CD200R1L: variants seen among roughly 807,000 people sequenced by gnomAD.
CD200R1L encodes cell surface glycoprotein CD200 receptor 2.
Under a neutral mutation model 24.8 loss-of-function variants are expected in CD200R1L, and 14 were observed. The ratio of observed to expected loss-of-function variants is 0.56; its 90% confidence interval spans 0.37 to 0.88. CD200R1L has a LOEUF of 0.88. CD200R1L is among the 40% of genes least tolerant of loss of function. The pLI is 0.00. For synonymous variants in CD200R1L, 111 were observed against 109.2 expected (o/e 1.02, Z -0.11); for missense variants, 299 against 297.8 (o/e 1.00, Z -0.03).
At chr3:112,842,473 C>G (rs1939105374) in intron 2 of CD200R1L, among the ~76,000 whole-genome samples, 1 of 152,002 alleles carries the variant, frequency 6.6e-6, no homozygotes. Flanking sequence ...TGTGTTTGAA[C>G]AATATGAAAT....
chr3:112,842,758 C>A (rs867766409), intron 2 of CD200R1L, among the ~76,000 whole-genome samples: 18 of 152,138 alleles, frequency 1.2e-4, no homozygotes, highest in Non-Finnish European at 2.1e-4. Context: ...GCGGGAGATG[C>A]GCCTGGTCTT....
chr3:112,828,213 C>G (rs1677825846), intron 4 of CD200R1L, among the ~76,000 whole-genome samples: 1 of 152,114 alleles, frequency 6.6e-6, no homozygotes, highest in Admixed American at 6.5e-5. Context: ...TTTCAGACAA[C>G]CATAAATGTG....
chr3:112,845,894 G>T lies in CD200R1L; in HGVS notation c.-302C>A. 1.7e-6 allele frequency: 1 copy of T among 589,930 alleles called. No individual in the cohort carries two copies. 36.5% of individuals were successfully genotyped at this position (589,930 alleles called of 1,614,324 possible). ...ATCTTGCTTATCTTTAATTTTTGCT[G>T]TCATTCTATATGTTTTTGACTGATT... On this transcript the variant is annotated 5_prime_UTR_variant, in exon 2 of 8. Transcript: ENST00000488794.
At chr3:112,844,469 G>A (rs1393946874) in intron 2 of CD200R1L, among the ~76,000 whole-genome samples, 1 of 152,002 alleles carries the variant, frequency 6.6e-6, no homozygotes, top group Non-Finnish European at 1.5e-5. Context: ...ATAAAATTAA[G>A]GAAGAAATCA....
intron 3 of CD200R1L, among the ~76,000 whole-genome samples, chr3:112,832,325 G>T (rs771987424): frequency 6.6e-6 from 1 of 152,176 alleles, no homozygotes; most frequent in African/African-American, 2.4e-5. Context: ...GACCTTCAAA[G>T]TCCACAGACT....
intron 2 of CD200R1L, among the ~76,000 whole-genome samples, chr3:112,841,891 G>A (rs1939091064): frequency 6.6e-6 from 1 of 152,244 alleles, no homozygotes; most frequent in Non-Finnish European, 1.5e-5. Flanking sequence ...TGTGGCCTAA[G>A]TTCAAGCCAG....
chr3:112,830,880 GAA>G (rs75974602), intron 3 of CD200R1L, among the ~76,000 whole-genome samples: 28 of 145,206 alleles, frequency 1.9e-4, no homozygotes, highest in African/African-American at 5.2e-4. Flanking sequence ...GGTTAAAAAG[GAA>G]AAAAAAAAAA....
At position 112,827,702 on chromosome 3, in the gene CD200R1L, G is replaced by C. The variant is rs1252856717; in HGVS notation, c.50-18C>G. 1 of 1,596,036 alleles carries C rather than the reference G, an allele frequency of 6.3e-7. No homozygotes were observed. Among genetic ancestry groups the C allele is most frequent in the Non-Finnish European group, 8.5e-7 (1 of 1,171,484 alleles). ...AATGTTACCTGGACACACACACAAA[G>C]GATAATGATATAGAAAACCTTGATA... On this transcript the variant is annotated intron_variant, in intron 4 of 7. Coordinates refer to ENST00000488794, the MANE Select transcript of CD200R1L (RefSeq NM_001199215.3).
chr3:112,829,807 A>G (rs554334886), intron 3 of CD200R1L, among the ~76,000 whole-genome samples: 13 of 152,280 alleles, frequency 8.5e-5, no homozygotes, highest in Admixed American at 2.6e-4. Context: ...TTTTTAACCT[A>G]GCTCCTCTAA....
chr3:112,815,785 C>T lies in CD200R1L; in HGVS notation c.*178G>A, dbSNP rs1217378446. 3.4e-6 allele frequency: 2 copies of T among 584,046 alleles called. No individual in the cohort carries two copies. Among genetic ancestry groups the T allele is most frequent in the South Asian group, 2.4e-5 (1 of 42,388 alleles). 36.2% of individuals were successfully genotyped at this position (584,046 alleles called of 1,614,324 possible). ...AGGTGGTTGAGGGTTTATAGGGAAA[C>T]TTCATGGTCATCAAGCCCAGGATCC... is the stretch of plus-strand genomic sequence containing the variant. On this transcript the variant is annotated 3_prime_UTR_variant, in exon 8 of 8. Coordinates refer to ENST00000488794, the MANE Select transcript of CD200R1L (RefSeq NM_001199215.3).
At chr3:112,824,474 C>T (rs752937447) in intron 6 of CD200R1L, among the ~76,000 whole-genome samples, 3 of 151,944 alleles carry the variant, frequency 2.0e-5, no homozygotes, top group Non-Finnish European at 2.9e-5. Context: ...ACTATAGACT[C>T]GAGAGTCAAA....
chr3:112,823,471 C>A (rs111893854), intron 6 of CD200R1L, among the ~76,000 whole-genome samples: 5 of 152,268 alleles, frequency 3.3e-5, no homozygotes, highest in South Asian at 2.1e-4. Context: ...GTGCTAACTC[C>A]AGGTAGTTAG....
Position 112,816,120 on chromosome 3 carries a change from A to G in CD200R1L, c.741-145T>C, listed in dbSNP as rs377666182. 2.3e-3 allele frequency: 1,465 copies of G among 624,572 alleles called. 33 individuals carry two copies. In the South Asian group the frequency reaches 0.027, roughly 12 times the overall value. 38.7% of individuals were successfully genotyped at this position (624,572 alleles called of 1,614,324 possible). On this transcript the variant is annotated intron_variant, in intron 7 of 7. Coordinates refer to ENST00000488794, the MANE Select transcript of CD200R1L (RefSeq NM_001199215.3). ...TAAATTGGAGTTATGCTATTAATCAATGTGTCAATTACCTAAGACACCAGG... is the reference window on the plus strand; with the variant it reads ...TAAATTGGAGTTATGCTATTAATCAGTGTGTCAATTACCTAAGACACCAGG...
In CD200R1L at chr3:112,841,164, G is replaced by A. The variant is rs1939070908; in HGVS notation, c.-86-3154C>T. ...CTGGATCATGGGGTGGTTTCTAATG[G>A]TTTAGCACCCTCCCCCTAGTGCTGT... On this transcript the variant is annotated intron_variant, in intron 2 of 7. Transcript: ENST00000488794. The A allele has an allele frequency of 6.3e-6, 2 of 318,118 alleles. 1 individual carries two copies. Among genetic ancestry groups the A allele is most frequent in the South Asian group, 4.9e-5 (2 of 40,808 alleles). The allele number at this position is 318,118 out of a possible 1,614,324, so 19.7% of individuals were successfully genotyped here.
intron 3 of CD200R1L, among the ~76,000 whole-genome samples, chr3:112,836,409 T>TA (rs1325210215): frequency 1.6e-4 from 24 of 152,254 alleles, no homozygotes; most frequent in Non-Finnish European, 3.1e-4. Flanking sequence ...GGACTGTTTT[T>TA]ATATAATGGG....
chr3:112,832,099 C>A (rs1938815680), intron 3 of CD200R1L, among the ~76,000 whole-genome samples: 1 of 152,160 alleles, frequency 6.6e-6, no homozygotes. Flanking sequence ...AATAGTTATT[C>A]CCCTAGTCCT....
At chr3:112,816,739 A>G (rs1048986257) in intron 7 of CD200R1L, among the ~76,000 whole-genome samples, 4 of 152,180 alleles carry the variant, frequency 2.6e-5, no homozygotes, top group Non-Finnish European at 4.4e-5. Context: ...TCCATAATCA[A>G]TGGAAATCAA....
At chr3:112,845,140 C>G (rs771848212) in intron 2 of CD200R1L, among the ~76,000 whole-genome samples, 1 of 151,784 alleles carries the variant, frequency 6.6e-6, no homozygotes. Flanking sequence ...AGAGTACTAG[C>G]TGGATTAACA....
At position 112,841,176 on chromosome 3, in the gene CD200R1L, C is replaced by G. The variant is rs368635624; in HGVS notation, c.-86-3166G>C. 1,190 of 324,778 alleles carry G rather than the reference C, an allele frequency of 3.7e-3. 29 individuals are homozygous for G. The highest frequency in any genetic ancestry group is 0.027 in the South Asian group (1,132 of 41,574). 20.1% of individuals were successfully genotyped at this position (324,778 alleles called of 1,614,324 possible). On this transcript the variant is annotated intron_variant, in intron 2 of 7. Transcript: ENST00000488794. ...GTGGTTTCTAATGGTTTAGCACCCTCCCCCTAGTGCTGTCTCATGATAGAG... is the reference window on the plus strand; with the variant it reads ...GTGGTTTCTAATGGTTTAGCACCCTGCCCCTAGTGCTGTCTCATGATAGAG...
Sources: allele counts gnomAD v4.1 joint callset (sites outside exome capture counted in the v4.1 genomes callset), GRCh38; gene constraint gnomAD v4.1.1; transcripts MANE v1.5; gene names NCBI Gene and HGNC (gene_info 2026-07-23, HGNC 2026-07-21).